Variants in MGAT4C observed in about 807,000 individuals in gnomAD.
MGAT4C encodes alpha-1,3-mannosyl-glycoprotein 4-beta-N-acetylglucosaminyltransferase C.
In MGAT4C, 19 loss-of-function variants were observed where a neutral mutation model predicts 40.1. The observed-to-expected ratio is 0.47, with a 90% CI of 0.33 to 0.70. MGAT4C has a LOEUF of 0.70. MGAT4C is among the 30% of genes least tolerant of loss of function. The pLI, the probability that MGAT4C is intolerant of heterozygous loss-of-function variation, is 0.02. For missense variants in MGAT4C, 491 were observed against 563.2 expected, an observed-to-expected ratio of 0.87 and a Z score of 1.30; for synonymous variants, 181 against 187.1, an observed-to-expected ratio of 0.97 and a Z score of 0.27.
rs571795501 is a variant in MGAT4C, at chr12:86,149,154, CTGTT to C, written c.-56-99435_-56-99432del. Among the ~76,000 whole-genome samples, 349 of 152,060 alleles carry C rather than the reference CTGTT, an allele frequency of 2.3e-3. 2 individuals are homozygous for C. The highest frequency in any genetic ancestry group is 7.9e-3 in the African/African-American group (328 of 41,482). On this transcript the variant is annotated intron_variant, in intron 1 of 4. Transcript: ENST00000611864. Reference sequence around the variant, plus strand: ...TAAAGCTTTTACATTAATATAGAAACTGTTTATTTTTTAAATTTTTTCATAAAAA... The same window carrying C: ...TAAAGCTTTTACATTAATATAGAAACTATTTTTTAAATTTTTTCATAAAAA...
intron 1 of MGAT4C, among the ~76,000 whole-genome samples, chr12:86,252,072 G>A (rs1406005331): frequency 1.3e-5 from 2 of 151,868 alleles, no homozygotes; most frequent in South Asian, 2.1e-4. Context: ...TATGCAGTTC[G>A]AATGTGAACA....
At chr12:86,067,784 T>A (rs1163038154) in intron 1 of MGAT4C, among the ~76,000 whole-genome samples, 1 of 152,194 alleles carries the variant, frequency 6.6e-6, no homozygotes, top group East Asian at 1.9e-4. Context: ...TTTGATGACA[T>A]TAGACCATCT....
chr12:86,465,406 C>G (rs542836672), intron 2 of MGAT4C, among the ~76,000 whole-genome samples: 7 of 152,062 alleles, frequency 4.6e-5, no homozygotes, highest in Non-Finnish European at 1.0e-4. Context: ...AACTCCTGCT[C>G]TGCAAATAAT....
intron 1 of MGAT4C, among the ~76,000 whole-genome samples, chr12:86,837,567 AG>A (rs1300632601): frequency 2.0e-5 from 3 of 152,074 alleles, no homozygotes; most frequent in African/African-American, 4.8e-5. Context: ...ACCATGCTCC[AG>A]GTCAAATATA....
intron 3 of MGAT4C, among the ~76,000 whole-genome samples, chr12:86,379,165 A>G (rs1955884192): frequency 6.6e-6 from 1 of 152,072 alleles, no homozygotes; most frequent in Admixed American, 6.6e-5. Flanking sequence ...TTACCTTATA[A>G]ATTTGTGGAA....
At position 85,976,193 on chromosome 12, in the gene MGAT4C, T is replaced by C. The variant is rs1259700576; in HGVS notation, c.*3096A>G. 6.6e-6 allele frequency: 1 copy of C among 151,074 alleles called. No individual in the cohort carries two copies. Among genetic ancestry groups the C allele is most frequent in the East Asian group, 1.9e-4 (1 of 5,186 alleles). The allele number at this position is 151,074 out of a possible 1,614,324, so 9.4% of individuals were successfully genotyped here. Reference sequence around the variant, plus strand: ...CAGTAAGAAATGGAATGTTCACAACTCATAGTGTAGCTATATGAAAGAAAT... The same window carrying C: ...CAGTAAGAAATGGAATGTTCACAACCCATAGTGTAGCTATATGAAAGAAAT... On this transcript the variant is annotated 3_prime_UTR_variant, in exon 5 of 5. Coordinates refer to ENST00000611864, the MANE Select transcript of MGAT4C (RefSeq NM_001351288.2).
intron 2 of MGAT4C, among the ~76,000 whole-genome samples, chr12:86,441,331 T>TA (rs1565764758): frequency 2.6e-4 from 40 of 150,946 alleles, no homozygotes; most frequent in African/African-American, 9.7e-4. Context: ...ACTGATTTTT[T>TA]TTATTATTAT....
At chr12:86,446,541 T>C (rs1043605167) in intron 2 of MGAT4C, among the ~76,000 whole-genome samples, 1 of 150,862 alleles carries the variant, frequency 6.6e-6, no homozygotes, top group Non-Finnish European at 1.5e-5. Flanking sequence ...ATTTATATTG[T>C]CTTATTGCTT....
intron 1 of MGAT4C, among the ~76,000 whole-genome samples, chr12:86,750,246 C>T (rs1330652711): frequency 6.6e-6 from 1 of 151,796 alleles, no homozygotes; most frequent in African/African-American, 2.4e-5. Flanking sequence ...TATAGCTCAG[C>T]TGAAAAAGCT....
intron 2 of MGAT4C, among the ~76,000 whole-genome samples, chr12:86,726,350 T>C (rs978331106): frequency 6.6e-6 from 1 of 152,214 alleles, no homozygotes; most frequent in African/African-American, 2.4e-5. Flanking sequence ...ACAGGTCTGA[T>C]AGAGATCCAA....
At chr12:86,509,364 T>G (rs1421449196) in intron 2 of MGAT4C, among the ~76,000 whole-genome samples, 1 of 152,190 alleles carries the variant, frequency 6.6e-6, no homozygotes, top group Non-Finnish European at 1.5e-5. Context: ...AAAGATCAGA[T>G]AGTTGTAGAT....
intron 2 of MGAT4C, among the ~76,000 whole-genome samples, chr12:86,039,619 A>T (rs1003565226): frequency 6.6e-6 from 1 of 152,074 alleles, no homozygotes; most frequent in African/African-American, 2.4e-5. Context: ...TTAACAATTC[A>T]TCTAACCTTT....
intron 1 of MGAT4C, among the ~76,000 whole-genome samples, chr12:86,810,105 T>A (rs1274255954): frequency 6.6e-6 from 1 of 152,048 alleles, no homozygotes; most frequent in Non-Finnish European, 1.5e-5. Context: ...ACCTCAGTAT[T>A]GCAAATTATT....
At chr12:86,604,602 T>C (rs764435179) in intron 2 of MGAT4C, among the ~76,000 whole-genome samples, 14 of 152,154 alleles carry the variant, frequency 9.2e-5, no homozygotes, top group Non-Finnish European at 1.9e-4. Context: ...TACACACTCA[T>C]TCTTCTTTCA....
chr12:86,532,368 T>C (rs1403872688), intron 2 of MGAT4C, among the ~76,000 whole-genome samples: 1 of 151,980 alleles, frequency 6.6e-6, no homozygotes, highest in African/African-American at 2.4e-5. Flanking sequence ...ACAGTGTAAA[T>C]CTTCCAGAAT....
At chr12:86,548,363 A>C (rs886354236) in intron 2 of MGAT4C, among the ~76,000 whole-genome samples, 9 of 152,248 alleles carry the variant, frequency 5.9e-5, no homozygotes, top group African/African-American at 2.2e-4. Context: ...TAATCTCTCA[A>C]GGTTAATTTA....
intron 1 of MGAT4C, among the ~76,000 whole-genome samples, chr12:86,743,080 G>C (rs1222201742): frequency 6.7e-6 from 1 of 148,166 alleles, no homozygotes; most frequent in Non-Finnish European, 1.5e-5. Context: ...ATGCATGTGT[G>C]TATGTGTGTA....
At chr12:86,396,148 C>A (rs1490475064) in intron 3 of MGAT4C, among the ~76,000 whole-genome samples, 1 of 151,950 alleles carries the variant, frequency 6.6e-6, no homozygotes, top group African/African-American at 2.4e-5. Context: ...CTTTTATGTT[C>A]AACTGACGGA....
At chr12:86,630,443 A>C (rs757669930) in intron 2 of MGAT4C, among the ~76,000 whole-genome samples, 1 of 152,188 alleles carries the variant, frequency 6.6e-6, no homozygotes, top group Non-Finnish European at 1.5e-5. Flanking sequence ...TGGCAGAGAC[A>C]CACAAAAAAA....
Sources: gnomAD v4.1 joint callset for allele counts (sites outside exome capture counted in the v4.1 genomes callset) on GRCh38, gnomAD v4.1.1 for gene constraint, MANE v1.5 for transcripts, NCBI Gene and HGNC (gene_info 2026-07-23, HGNC 2026-07-21) for gene names.